FNDC3A: variants seen among roughly 807,000 people sequenced by gnomAD.
FNDC3A encodes the protein fibronectin type-III domain-containing protein 3A.
In FNDC3A, 32 loss-of-function variants were observed where a neutral mutation model predicts 148.9. The ratio of observed to expected loss-of-function variants is 0.21; its 90% CI spans 0.16 to 0.29. The LOEUF is 0.29. Ranked by LOEUF, FNDC3A falls within the 10% of genes least tolerant of loss-of-function variation. FNDC3A has a pLI of 1.00. For synonymous variants in FNDC3A, 472 were observed against 473.6 expected, an observed-to-expected ratio of 1.00 and a Z score of 0.04; for missense variants, 1,191 against 1,452.8, an observed-to-expected ratio of 0.82 and a Z score of 2.93.
chr13:49,156,623 CTTTACA>C (rs1168868317), intron 8 of FNDC3A, among the ~76,000 whole-genome samples: 3 of 150,906 alleles, frequency 2.0e-5, no homozygotes, highest in Non-Finnish European at 4.4e-5. Context: ...TCTCGATGGT[CTTTACA>C]TTTTGGCATG....
At chr13:49,093,856 T>G (rs1316537797) in intron 3 of FNDC3A, among the ~76,000 whole-genome samples, 1 of 152,174 alleles carries the variant, frequency 6.6e-6, no homozygotes, top group African/African-American at 2.4e-5. Context: ...CCATTTAGCT[T>G]TACATGATTT....
At chr13:49,055,102 C>CT (rs1233794258) in intron 2 of FNDC3A, among the ~76,000 whole-genome samples, 263 of 146,182 alleles carry the variant, frequency 1.8e-3, no homozygotes, top group African/African-American at 4.3e-3. Context: ...ATTTGCTCTT[C>CT]TTTTTTTTTT....
chr13:49,037,245 A>C (rs1049042079), intron 2 of FNDC3A, among the ~76,000 whole-genome samples: 1 of 152,248 alleles, frequency 6.6e-6, no homozygotes, highest in Non-Finnish European at 1.5e-5. Context: ...ACTATATGCC[A>C]GTCACTGTTC....
intron 15 of FNDC3A, among the ~76,000 whole-genome samples, chr13:49,186,814 G>A (rs1043753784): frequency 6.6e-6 from 1 of 152,184 alleles, no homozygotes; most frequent in Admixed American, 6.5e-5. Context: ...GTTGCAGTGA[G>A]TCGAGATTGT....
chr13:48,990,679 T>A (rs1951898986), intron 1 of FNDC3A, among the ~76,000 whole-genome samples: 1 of 151,684 alleles, frequency 6.6e-6, no homozygotes, highest in Non-Finnish European at 1.5e-5. Context: ...GGAGGATCGC[T>A]TGAACCCAGG....
intron 8 of FNDC3A, among the ~76,000 whole-genome samples, chr13:49,158,958 T>G (rs1883907063): frequency 6.6e-6 from 1 of 152,232 alleles, no homozygotes; most frequent in Non-Finnish European, 1.5e-5. Flanking sequence ...CTGAGGGCTC[T>G]GTTCTGTTCC....
At chr13:48,979,389 G>A (rs888704663) in intron 1 of FNDC3A, among the ~76,000 whole-genome samples, 6 of 152,156 alleles carry the variant, frequency 3.9e-5, no homozygotes, top group African/African-American at 1.4e-4. Context: ...ATCCTGGAAG[G>A]CATTTGGAGG....
chr13:49,141,535 A>T (rs979260496), intron 7 of FNDC3A, among the ~76,000 whole-genome samples: 3 of 152,200 alleles, frequency 2.0e-5, no homozygotes, highest in African/African-American at 7.2e-5. Flanking sequence ...CTAGACAAGG[A>T]TCAAACATTT....
intron 1 of FNDC3A, among the ~76,000 whole-genome samples, chr13:49,002,169 T>C (rs1485428394): frequency 6.6e-6 from 1 of 152,234 alleles, no homozygotes; most frequent in Admixed American, 6.5e-5. Flanking sequence ...TCTTGCTCAG[T>C]TGCCCTGGGT....
At chr13:49,098,764 A>G (rs1879685145) in intron 3 of FNDC3A, among the ~76,000 whole-genome samples, 1 of 152,174 alleles carries the variant, frequency 6.6e-6, no homozygotes, top group African/African-American at 2.4e-5. Flanking sequence ...TACACAGATA[A>G]TGAAATTATC....
chr13:49,179,669 A>G (rs570992455), intron 14 of FNDC3A, among the ~76,000 whole-genome samples: 2 of 152,182 alleles, frequency 1.3e-5, no homozygotes. Context: ...AGTCTGTTAA[A>G]TGGCTTATAT....
At chr13:48,982,172 T>G (rs1043241657) in intron 1 of FNDC3A, among the ~76,000 whole-genome samples, 1 of 152,148 alleles carries the variant, frequency 6.6e-6, no homozygotes, top group Non-Finnish European at 1.5e-5. Flanking sequence ...TTCATTTACT[T>G]TAAAATCAGT....
chr13:49,023,511 A>G (rs917993475), intron 2 of FNDC3A, among the ~76,000 whole-genome samples: 3 of 151,752 alleles, frequency 2.0e-5, no homozygotes, highest in African/African-American at 4.8e-5. Context: ...TAAAATAAAC[A>G]TCTTACAGAA....
chr13:49,179,943 G>C (rs1364182959), intron 14 of FNDC3A, among the ~76,000 whole-genome samples: 2 of 152,146 alleles, frequency 1.3e-5, no homozygotes, highest in African/African-American at 4.8e-5. Flanking sequence ...AGGTTTTACT[G>C]CTCCTGAGCA....
rs1205417202 is a variant in FNDC3A, at chr13:49,075,362, C to T, written c.173C>T (p.Thr58Ile). 6.4e-7 allele frequency: 1 copy of T among 1,570,250 alleles called. No individual in the cohort carries two copies. The highest frequency in any genetic ancestry group is 8.8e-7 in the Non-Finnish European group (1 of 1,141,940). The change falls in exon 3 of 26, where the codon ACA (threonine) becomes ATA (isoleucine). Residue 58 changes from threonine to isoleucine, a missense_variant and splice_region_variant. Physicochemically the swap from Thr to Ile is moderately conservative, Grantham distance 89. Coordinates refer to ENST00000492622, the MANE Select transcript of FNDC3A (RefSeq NM_001079673.2). Reference sequence around the variant, plus strand: ...GAAGATGGACAGTTTCAGTGCATTACAGGTAAGAATGGTAATTGAGAATAA... The same window carrying T: ...GAAGATGGACAGTTTCAGTGCATTATAGGTAAGAATGGTAATTGAGAATAA... ...RREDGQFQCI[T>I]GPAQVPMMSP...
At chr13:49,038,969 T>G (rs539103961) in intron 2 of FNDC3A, among the ~76,000 whole-genome samples, 1 of 152,304 alleles carries the variant, frequency 6.6e-6, no homozygotes, top group South Asian at 2.1e-4. Context: ...GAGAGGGACC[T>G]GAATACATAT....
At chr13:49,096,391 C>A (rs1879527209) in intron 3 of FNDC3A, among the ~76,000 whole-genome samples, 1 of 152,128 alleles carries the variant, frequency 6.6e-6, no homozygotes, top group Admixed American at 6.6e-5. Context: ...TTAATCAAAT[C>A]CAGTTTCCAT....
At chr13:49,122,289 A>T (rs1447083944) in intron 4 of FNDC3A, among the ~76,000 whole-genome samples, 2 of 152,280 alleles carry the variant, frequency 1.3e-5, no homozygotes, top group African/African-American at 2.4e-5. Flanking sequence ...GGCCTTCAAT[A>T]AAATTGAAGG....
chr13:49,071,727 G>GT (rs35779065), intron 2 of FNDC3A, among the ~76,000 whole-genome samples: 89,491 of 146,200 alleles, frequency 0.61, 27,643 homozygotes, highest in Non-Finnish European at 0.68. Flanking sequence ...TGATTATTTG[G>GT]TTTTTTTTTT....
Sources: gnomAD v4.1 joint callset for allele counts (sites outside exome capture counted in the v4.1 genomes callset) on GRCh38, gnomAD v4.1.1 for gene constraint, MANE v1.5 for transcripts, NCBI Gene and HGNC (gene_info 2026-07-23, HGNC 2026-07-21) for gene names.